SENP8: variants seen among roughly 807,000 people sequenced by gnomAD.
SENP8 encodes SUMO peptidase family member, NEDD8 specific.
SENP8 carries 10 observed loss-of-function variants against 14.4 expected under a neutral mutation model. The ratio of observed to expected loss-of-function variants is 0.69; its 90% CI spans 0.43 to 1.18. The LOEUF (loss-of-function observed/expected upper bound fraction) is 1.18, where lower values mean the gene tolerates loss of function less well. SENP8 is among the 50% of genes most tolerant of loss of function. The pLI is 0.00. For synonymous variants in SENP8, 94 were observed against 95.5 expected (o/e 0.98, Z 0.09); for missense variants, 202 against 249.4 (o/e 0.81, Z 1.28).
At chr15:72,139,245 C>T (rs556941127) in intron 1 of SENP8, 4 of 172,476 alleles carry the variant, frequency 2.3e-5, no homozygotes, top group East Asian at 3.3e-4. Context: ...TGCATTCTTA[C>T]GAAAAAGTAA....
At chr15:72,118,994 G>A (rs139014294) in intron 1 of SENP8, among the ~76,000 whole-genome samples, 1 of 152,052 alleles carries the variant, frequency 6.6e-6, no homozygotes, top group Non-Finnish European at 1.5e-5. Context: ...GCAGAATAAC[G>A]GGCGCAAGAG....
At position 72,143,407 on chromosome 15, in the gene SENP8, G is replaced by A. The variant is rs2081392360; in HGVS notation, c.*3145G>A. The stretch of plus-strand genomic sequence containing the variant: ...GCAGCTAAACAGCTGTGTAAAAAAT[G>A]GCTGATAATTACTGTTATGTACAAA... On this transcript the variant is annotated 3_prime_UTR_variant, in exon 2 of 2. Transcript: ENST00000340912. 6.6e-6 allele frequency: 1 copy of A among 152,150 alleles called. No homozygotes were observed. Among genetic ancestry groups the A allele is most frequent in the South Asian group, 2.1e-4 (1 of 4,828 alleles). The allele number at this position is 152,150 out of a possible 1,614,324, so 9.4% of individuals were successfully genotyped here. A position where few individuals can be genotyped will look rare whatever the true frequency, so the allele number is the denominator to read the frequency against.
intron 1 of SENP8, among the ~76,000 whole-genome samples, chr15:72,118,785 C>A (rs36074415): frequency 0.017 from 2,616 of 152,224 alleles, 37 homozygotes; most frequent in Non-Finnish European, 0.026. Context: ...GTGAGAGAAT[C>A]CGCAGTGGTA....
intron 1 of SENP8, among the ~76,000 whole-genome samples, chr15:72,119,435 T>C (rs1288898841): frequency 6.6e-6 from 1 of 152,194 alleles, no homozygotes; most frequent in Non-Finnish European, 1.5e-5. Context: ...GTTGAGACAG[T>C]TGGCTCTGTA....
chr15:72,125,326 G>T (rs1451239798), intron 1 of SENP8, among the ~76,000 whole-genome samples: 1 of 152,018 alleles, frequency 6.6e-6, no homozygotes. Context: ...TTGCTAACTT[G>T]ACAGGTAAAA....
intron 1 of SENP8, among the ~76,000 whole-genome samples, chr15:72,122,887 T>C (rs965520735): frequency 6.6e-6 from 1 of 152,250 alleles, no homozygotes; most frequent in African/African-American, 2.4e-5. Context: ...CACTGGATCA[T>C]TGTCTTGATC....
chr15:72,123,053 T>C (rs1307824266), intron 1 of SENP8, among the ~76,000 whole-genome samples: 1 of 152,252 alleles, frequency 6.6e-6, no homozygotes, highest in African/African-American at 2.4e-5. Context: ...GAACCTCTAC[T>C]ATGTGCCAGG....
At chr15:72,132,729 C>T (rs539325290) in intron 1 of SENP8, among the ~76,000 whole-genome samples, 5 of 150,558 alleles carry the variant, frequency 3.3e-5, no homozygotes, top group Non-Finnish European at 5.9e-5. Context: ...GGTCTCGGCT[C>T]ATTGCAACCT....
At chr15:72,122,084 CCT>C (rs1428158231) in intron 1 of SENP8, among the ~76,000 whole-genome samples, 1 of 152,112 alleles carries the variant, frequency 6.6e-6, no homozygotes, top group Non-Finnish European at 1.5e-5. Context: ...AGTCAGAACT[CCT>C]CTCTTTTTGC....
intron 1 of SENP8, among the ~76,000 whole-genome samples, chr15:72,127,436 G>A (rs2081231534): frequency 6.6e-6 from 1 of 152,142 alleles, no homozygotes. Context: ...TCCAGGCAGA[G>A]CTAGTACCAC....
At chr15:72,132,189 T>C (rs1412364004) in intron 1 of SENP8, among the ~76,000 whole-genome samples, 6 of 152,172 alleles carry the variant, frequency 3.9e-5, no homozygotes, top group Non-Finnish European at 8.8e-5. Context: ...ATTTTACAAA[T>C]AGAACTATAA....
rs1240335140 is a variant in SENP8 at position 72,143,021 on chromosome 15, AC to A, written c.*2763del. On this transcript the variant is annotated 3_prime_UTR_variant, in exon 2 of 2. Transcript: ENST00000340912. ...AGACCAGCCTGGCCAACATGGCGAA[AC>A]CCCGTCTCTACTAAAAATACAAAAA... 1.3e-5 allele frequency: 2 copies of A among 152,108 alleles called. No homozygotes were observed. The highest frequency in any genetic ancestry group is 6.6e-5 in the Admixed American group (1 of 15,256). 9.4% of individuals were successfully genotyped at this position (152,108 alleles called of 1,614,324 possible).
rs772976152 is a variant in SENP8 at position 72,139,745 on chromosome 15, ACAGT to A, written c.127_130del (p.Gln43PhefsTer45). On this transcript the variant is annotated frameshift_variant, in exon 2 of 2. Coordinates refer to ENST00000340912, the MANE Select transcript of SENP8 (RefSeq NM_145204.4). LOFTEE classifies it high-confidence loss of function. ...GGGTTTGCGTTTGAGTACTTTGCCAACAGTCAGTTTCATGACTGCTCTGATCACG... is the reference window on the plus strand; with the variant it reads ...GGGTTTGCGTTTGAGTACTTTGCCAACAGTTTCATGACTGCTCTGATCACG... 1 of 1,614,188 alleles carries A rather than the reference ACAGT, an allele frequency of 6.2e-7. No homozygotes were observed. The highest frequency in any genetic ancestry group is 1.1e-5 in the South Asian group (1 of 91,078).
chr15:72,119,425 G>A lies in SENP8; in HGVS notation c.-48+961G>A, dbSNP rs181791761. Among the ~76,000 whole-genome samples the A allele has an allele frequency of 4.0e-3, 612 of 152,336 alleles. 3 individuals are homozygous for A. Among genetic ancestry groups the A allele is most frequent in the African/African-American group, 0.014 (571 of 41,572 alleles). On this transcript the variant is annotated intron_variant, in intron 1 of 1. Coordinates refer to ENST00000340912, the MANE Select transcript of SENP8 (RefSeq NM_145204.4). ...GACTCACTAAACTAGAGAGAAGGAA[G>A]TTGAGACAGTTGGCTCTGTAACATT...
At chr15:72,133,887 A>G (rs190175298) in intron 1 of SENP8, among the ~76,000 whole-genome samples, 211 of 152,332 alleles carry the variant, frequency 1.4e-3, no homozygotes, top group African/African-American at 4.4e-3. Context: ...TCATTGGGTT[A>G]TAAATTTCCT....
chr15:72,139,949 T>G lies in SENP8; in HGVS notation c.326T>G (p.Leu109Arg), dbSNP rs375903270. Residue 109 changes from leucine (L) to arginine (R), a missense_variant, in exon 2 of 2, where the codon CTC becomes CGC. Transcript: ENST00000340912. ...GGTHWSLLVY[L>R]QDKNSFFHYD... ...ACCCACTGGAGTTTATTGGTCTACC[T>G]CCAAGATAAAAATAGCTTTTTTCAT... 2 of 1,614,194 alleles carry G rather than the reference T, an allele frequency of 1.2e-6. No individual in the cohort carries two copies. Among genetic ancestry groups the G allele is most frequent in the African/African-American group, 2.7e-5 (2 of 75,036 alleles).
upstream of SENP8, chr15:72,117,841 G>C (rs1195335403): frequency 2.5e-6 from 1 of 398,526 alleles, no homozygotes; most frequent in African/African-American, 2.1e-5. Flanking sequence ...GGGTCCGGGC[G>C]AGCGGCCGCG....
intron 1 of SENP8, among the ~76,000 whole-genome samples, chr15:72,120,634 A>G (rs2081159426): frequency 6.6e-6 from 1 of 152,250 alleles, no homozygotes; most frequent in African/African-American, 2.4e-5. Context: ...TAGAATACGT[A>G]GTAATATAAA....
chr15:72,114,589 C>A (rs2080900183), upstream of SENP8: 1 of 152,100 alleles, frequency 6.6e-6, no homozygotes, highest in South Asian at 2.1e-4. Flanking sequence ...GTTTCTGTCT[C>A]CGGCTCTCTC....
Sources: gnomAD v4.1 joint callset for allele counts (sites outside exome capture counted in the v4.1 genomes callset) on GRCh38, gnomAD v4.1.1 for gene constraint, MANE v1.5 for transcripts, NCBI Gene and HGNC (gene_info 2026-07-23, HGNC 2026-07-21) for gene names.